MC2R: variants seen among roughly 807,000 people sequenced by gnomAD.
MC2R encodes adrenocorticotropic hormone receptor.
Under a neutral mutation model 9.8 loss-of-function variants are expected in MC2R, and 9 were observed. That is an observed-to-expected ratio of 0.92 (90% CI 0.55 to 1.60). The LOEUF is 1.60. Among genes scored for constraint, MC2R ranks in the 40% most tolerant of loss-of-function variants. The pLI is 0.00. For missense variants in MC2R, 370 were observed against 389.0 expected (o/e 0.95, Z 0.41); for synonymous variants, 185 against 154.7 (o/e 1.20, Z -1.45).
Position 13,885,574 on chromosome 18 carries a change from C to T in MC2R, c.-56G>A. On this transcript the variant is annotated 5_prime_UTR_variant, in exon 2 of 2. Coordinates refer to ENST00000327606, the MANE Select transcript of MC2R (RefSeq NM_000529.2). ...TACTTGGACTTGACTTCACGGAAAA[C>T]TTGATTGATTCTTCAGGATCTTTTC... is the stretch of plus-strand genomic sequence containing the variant. The T allele has an allele frequency of 6.3e-7, 1 of 1,585,082 alleles. No homozygotes were observed. Among genetic ancestry groups the T allele is most frequent in the Non-Finnish European group, 8.7e-7 (1 of 1,155,242 alleles).
intron 1 of MC2R, 76 bp from the exon 2 acceptor site, chr18:13,885,722 ACT>A: frequency 1.7e-6 from 1 of 596,562 alleles, no homozygotes; most frequent in East Asian, 2.9e-5. Flanking sequence ...GCTTAAAGAA[ACT>A]CTATTCCCTC....
At chr18:13,909,019 A>G (rs2045429838) in intron 1 of MC2R, among the ~76,000 whole-genome samples, 1 of 152,090 alleles carries the variant, frequency 6.6e-6, no homozygotes. Context: ...TGCTTTATTC[A>G]AATGTCCTTA....
chr18:13,885,157 A>C lies in MC2R; in HGVS notation c.362T>G (p.Leu121Arg). The change falls in exon 2 of 2, where the codon CTG becomes CGG. Residue 121 changes from leucine to arginine, a missense_variant. Physicochemically the swap from Leu to Arg is moderately radical, Grantham distance 102 (BLOSUM62 -2). Transcript: ENST00000327606. ...VLSLLGSIFSLSVIAADRYIT... is the reference protein window; with the variant it reads ...VLSLLGSIFSRSVIAADRYIT... ...GTAGCGGTCCGCAGCAATCACAGAC[A>C]GGCTGAAGATGGAGCCAAGCAGGGA... 1 of 1,614,198 alleles carries C rather than the reference A, an allele frequency of 6.2e-7. No individual in the cohort carries two copies. The highest frequency in any genetic ancestry group is 8.5e-7 in the Non-Finnish European group (1 of 1,180,030).
chr18:13,895,504 G>A (rs185114457), intron 1 of MC2R, among the ~76,000 whole-genome samples: 1 of 152,114 alleles, frequency 6.6e-6, no homozygotes, highest in Non-Finnish European at 1.5e-5. Flanking sequence ...TGGGACCTTC[G>A]TGCAAGAGAG....
intron 1 of MC2R, among the ~76,000 whole-genome samples, chr18:13,912,822 T>C (rs1431851766): frequency 2.0e-5 from 3 of 152,206 alleles, no homozygotes; most frequent in Admixed American, 2.0e-4. Flanking sequence ...GAGCTCGCTA[T>C]GGTAGGCAAT....
chr18:13,889,541 G>T (rs1170713390), intron 1 of MC2R, among the ~76,000 whole-genome samples: 1 of 152,076 alleles, frequency 6.6e-6, no homozygotes. Context: ...ACAAATCATC[G>T]AGTTAACAGC....
At chr18:13,904,480 A>G (rs1433340390) in intron 1 of MC2R, among the ~76,000 whole-genome samples, 1 of 152,008 alleles carries the variant, frequency 6.6e-6, no homozygotes, top group South Asian at 2.1e-4. Flanking sequence ...TTCCTCTAAG[A>G]TCTAGAACAA....
intron 1 of MC2R, among the ~76,000 whole-genome samples, chr18:13,894,671 C>T (rs746479225): frequency 2.6e-5 from 4 of 152,186 alleles, no homozygotes; most frequent in Non-Finnish European, 5.9e-5. Context: ...TGTTTCCATG[C>T]TGTTTTCTCA....
intron 1 of MC2R, among the ~76,000 whole-genome samples, chr18:13,898,096 A>G (rs1234503321): frequency 1.3e-5 from 2 of 152,036 alleles, no homozygotes; most frequent in Non-Finnish European, 2.9e-5. Context: ...CTAGGGATTG[A>G]CAAATGGACA....
At chr18:13,907,155 C>G (rs1256076836) in intron 1 of MC2R, among the ~76,000 whole-genome samples, 1 of 152,172 alleles carries the variant, frequency 6.6e-6, no homozygotes, top group Non-Finnish European at 1.5e-5. Context: ...ATCAGCACGG[C>G]ATCAGCATAA....
rs766857800 is a variant in MC2R, at chr18:13,883,777, T to A, written c.*848A>T. 7.2e-5 allele frequency: 11 copies of A among 152,254 alleles called. No homozygotes were observed. The highest frequency in any genetic ancestry group is 1.0e-4 in the Non-Finnish European group (7 of 68,054). The allele number at this position is 152,254 out of a possible 1,614,324, so 9.4% of individuals were successfully genotyped here. On this transcript the variant is annotated 3_prime_UTR_variant, in exon 2 of 2. Transcript: ENST00000327606. ...CTTCTTCAAATAGTGACAATTTTCA[T>A]CTGGCCTTTATGTATTCCCACATGG...
At chr18:13,910,197 C>T (rs756326251) in intron 1 of MC2R, among the ~76,000 whole-genome samples, 15 of 152,166 alleles carry the variant, frequency 9.9e-5, no homozygotes, top group Non-Finnish European at 1.9e-4. Flanking sequence ...CATTGAATTG[C>T]TTTTGTGCCT....
intron 1 of MC2R, among the ~76,000 whole-genome samples, chr18:13,908,715 TG>T (rs2045428083): frequency 7.1e-6 from 1 of 141,010 alleles, no homozygotes; most frequent in Admixed American, 6.8e-5. Flanking sequence ...CTTGTGTGTG[TG>T]TGTGTGTGTG....
intron 1 of MC2R, among the ~76,000 whole-genome samples, chr18:13,892,572 C>G (rs994656503): frequency 2.0e-5 from 3 of 152,166 alleles, no homozygotes; most frequent in Non-Finnish European, 2.9e-5. Context: ...CTCCTAGATG[C>G]TTGGCTTGAA....
rs369383504 is a variant in MC2R at position 13,909,009 on chromosome 18, T to C, written c.-129+6479A>G. Among the ~76,000 whole-genome samples, 16 of 152,258 alleles carry C rather than the reference T, an allele frequency of 1.1e-4. No individual in the cohort carries two copies. In the East Asian group the frequency reaches 2.3e-3, roughly 22 times the overall value. On this transcript the variant is annotated intron_variant, in intron 1 of 1. Transcript: ENST00000327606. Reference sequence around the variant, plus strand: ...ACACACTGTTATTAACTAAAGTCCATGCTTTATTCAAATGTCCTTAATTTT... The same window carrying C: ...ACACACTGTTATTAACTAAAGTCCACGCTTTATTCAAATGTCCTTAATTTT...
Position 13,885,185 on chromosome 18 carries a change from G to T in MC2R, c.334C>A (p.Leu112Ile). 6.2e-7 allele frequency: 1 copy of T among 1,614,152 alleles called. No individual in the cohort carries two copies. The highest frequency in any genetic ancestry group is 8.5e-7 in the Non-Finnish European group (1 of 1,180,012). The change falls in exon 2 of 2, where the codon CTC (leucine) becomes ATC (isoleucine). Residue 112 changes from leucine (L) to isoleucine (I), a missense_variant. Physicochemically the swap from Leu to Ile is conservative, Grantham distance 5. Transcript: ENST00000327606. Reference sequence around the variant, plus strand: ...CTGAAGATGGAGCCAAGCAGGGAGAGGACAAACAGGGAGTCGATGATGTCA... The same window carrying T: ...CTGAAGATGGAGCCAAGCAGGGAGATGACAAACAGGGAGTCGATGATGTCA... Reference protein sequence around the residue: ...ADDIIDSLFVLSLLGSIFSLS... With the variant: ...ADDIIDSLFVISLLGSIFSLS...
intron 1 of MC2R, among the ~76,000 whole-genome samples, chr18:13,912,942 G>A (rs2045453508): frequency 6.6e-6 from 1 of 151,998 alleles, no homozygotes; most frequent in Non-Finnish European, 1.5e-5. Flanking sequence ...TTTTCCCCAT[G>A]CCGGGCACAG....
rs754718068 is a variant in MC2R at position 13,884,688 on chromosome 18, G to C, written c.831C>G (p.Ala277=). Residue 277 remains alanine (A), a synonymous_variant, in exon 2 of 2, where the codon GCC becomes GCG. Coordinates refer to ENST00000327606, the MANE Select transcript of MC2R (RefSeq NM_000529.2). The part of the protein sequence containing the change: ...CNAVIDPFIY[A]FRSPELRDAF... ...CGTCCCTGAGCTCTGGGCTCCGGAAGGCATATATGAAGGGGTCAATGACGG... is the reference window on the plus strand; with the variant it reads ...CGTCCCTGAGCTCTGGGCTCCGGAACGCATATATGAAGGGGTCAATGACGG... The C allele has an allele frequency of 3.1e-6, 5 of 1,613,986 alleles. No homozygotes were observed. Among genetic ancestry groups the C allele is most frequent in the Non-Finnish European group, 4.2e-6 (5 of 1,180,042 alleles).
intron 1 of MC2R, among the ~76,000 whole-genome samples, chr18:13,895,684 G>C (rs2045341871): frequency 6.6e-6 from 1 of 152,186 alleles, no homozygotes. Context: ...CCTCCAGGAA[G>C]GGTGGGGAGG....
Sources: allele counts gnomAD v4.1 joint callset (sites outside exome capture counted in the v4.1 genomes callset), GRCh38; gene constraint gnomAD v4.1.1; transcripts MANE v1.5; gene names NCBI Gene and HGNC (gene_info 2026-07-23, HGNC 2026-07-21).